NRXN1: variants seen among roughly 807,000 people sequenced by gnomAD.
NRXN1 encodes neurexin-1.
Under a neutral mutation model 150.9 loss-of-function variants are expected in NRXN1, and 39 were observed. That is an observed-to-expected ratio of 0.26 (90% confidence interval 0.20 to 0.34). The LOEUF (loss-of-function observed/expected upper bound fraction) is 0.34. NRXN1 is among the 10% of genes least tolerant of loss of function. The pLI is 1.00. For missense variants in NRXN1, 1,815 were observed against 1,949.9 expected (o/e 0.93, Z 1.30); for synonymous variants, 924 against 757.0 (o/e 1.22, Z -3.62).
At chr2:50,865,615 T>TGTGTGTGTGTGTGTG (rs1559368400) in intron 5 of NRXN1, among the ~76,000 whole-genome samples, 2 of 138,378 alleles carry the variant, frequency 1.4e-5, no homozygotes, top group African/African-American at 5.2e-5. Context: ...TGTGTGTGTG[T>TGTGTGTGTGTGTGTG]AGTAGCACCT....
intron 5 of NRXN1, among the ~76,000 whole-genome samples, chr2:50,685,045 A>G (rs946725099): frequency 6.6e-6 from 1 of 152,218 alleles, no homozygotes; most frequent in East Asian, 1.9e-4. Context: ...TGACTTTCCA[A>G]ACATTATTAT....
At chr2:50,053,686 A>G in intron 20 of NRXN1, 96 bp from the exon 21 acceptor site, 2 of 1,254,784 alleles carry the variant, frequency 1.6e-6, no homozygotes, top group Non-Finnish European at 2.3e-6. Context: ...GTGAATAATG[A>G]GAGCAATAAA....
At chr2:50,934,263 A>C (rs1182215123) in intron 2 of NRXN1, among the ~76,000 whole-genome samples, 1 of 152,150 alleles carries the variant, frequency 6.6e-6, no homozygotes, top group Non-Finnish European at 1.5e-5. Flanking sequence ...TAGAAGAAAA[A>C]CATTTATAAT....
intron 5 of NRXN1, among the ~76,000 whole-genome samples, chr2:50,788,519 T>C (rs930998891): frequency 1.3e-5 from 2 of 152,014 alleles, no homozygotes; most frequent in East Asian, 3.9e-4. Context: ...CAGTTTTGGG[T>C]GATAACTTCT....
intron 17 of NRXN1, among the ~76,000 whole-genome samples, chr2:50,335,719 T>C (rs1286796082): frequency 2.6e-5 from 4 of 152,194 alleles, no homozygotes; most frequent in Non-Finnish European, 5.9e-5. Context: ...TATCCTCTTG[T>C]TAACATCGTG....
chr2:50,894,525 T>A (rs1194170176), intron 5 of NRXN1, among the ~76,000 whole-genome samples: 1 of 151,950 alleles, frequency 6.6e-6, no homozygotes, highest in Non-Finnish European at 1.5e-5. Flanking sequence ...ATTAATATAT[T>A]CTATACACAA....
chr2:50,424,494 C>T (rs967174286), intron 17 of NRXN1, among the ~76,000 whole-genome samples: 1 of 151,996 alleles, frequency 6.6e-6, no homozygotes, highest in African/African-American at 2.4e-5. Context: ...TTGAGTGCAC[C>T]GGCTTAGAGA....
chr2:50,017,217 C>T (rs1322495286), intron 21 of NRXN1, among the ~76,000 whole-genome samples: 1 of 152,094 alleles, frequency 6.6e-6, no homozygotes, highest in African/African-American at 2.4e-5. Flanking sequence ...GAATGGGAAG[C>T]ATTATTATTA....
At chr2:50,582,283 A>G (rs888142571) in intron 8 of NRXN1, among the ~76,000 whole-genome samples, 1 of 152,068 alleles carries the variant, frequency 6.6e-6, no homozygotes, top group South Asian at 2.1e-4. Flanking sequence ...TAATCCCAGC[A>G]CTTTGAGAGG....
chr2:50,359,266 T>C (rs192736197), intron 17 of NRXN1, among the ~76,000 whole-genome samples: 5 of 151,886 alleles, frequency 3.3e-5, no homozygotes, highest in Admixed American at 3.3e-4. Flanking sequence ...GTTTGACGAA[T>C]TGACAGAAGT....
chr2:50,784,272 T>A (rs577510679), intron 5 of NRXN1, among the ~76,000 whole-genome samples: 42 of 152,088 alleles, frequency 2.8e-4, no homozygotes, highest in African/African-American at 1.0e-3. Context: ...TATCAAAGGG[T>A]CAGATGGAGA....
chr2:50,130,019 C>A (rs1705236156), intron 18 of NRXN1, among the ~76,000 whole-genome samples: 1 of 152,144 alleles, frequency 6.6e-6, no homozygotes, highest in Non-Finnish European at 1.5e-5. Context: ...CACATGTTAT[C>A]TCATTTTTTC....
At chr2:50,931,718 T>G (rs565197772) in intron 2 of NRXN1, among the ~76,000 whole-genome samples, 31 of 152,214 alleles carry the variant, frequency 2.0e-4, no homozygotes, top group Admixed American at 6.5e-4. Flanking sequence ...TCACTGTATT[T>G]ACATGTGTCA....
At chr2:49,997,531 T>G (rs1683196847) in intron 21 of NRXN1, among the ~76,000 whole-genome samples, 1 of 152,166 alleles carries the variant, frequency 6.6e-6, no homozygotes, top group Admixed American at 6.5e-5. Flanking sequence ...TTGAAATATC[T>G]CTAGCAGGAC....
chr2:50,344,424 C>T (rs1022501658), intron 17 of NRXN1, among the ~76,000 whole-genome samples: 3 of 151,798 alleles, frequency 2.0e-5, no homozygotes, highest in Non-Finnish European at 4.4e-5. Flanking sequence ...CAGCCTCTTC[C>T]AAAAGAGTAA....
chr2:50,579,502 A>G (rs1416556757), intron 8 of NRXN1, among the ~76,000 whole-genome samples: 1 of 152,174 alleles, frequency 6.6e-6, no homozygotes, highest in African/African-American at 2.4e-5. Context: ...AAGCAAAATT[A>G]GTCAGGTGTG....
chr2:50,042,432 C>A (rs532298532), intron 21 of NRXN1, among the ~76,000 whole-genome samples: 36 of 152,236 alleles, frequency 2.4e-4, no homozygotes, highest in African/African-American at 8.4e-4. Flanking sequence ...TGTTTGCTTC[C>A]TCTTCTGCCA....
chr2:50,607,827 G>C (rs1021350385), intron 8 of NRXN1, among the ~76,000 whole-genome samples: 1 of 151,682 alleles, frequency 6.6e-6, no homozygotes, highest in African/African-American at 2.4e-5. Context: ...CATGGGCTTA[G>C]GTCCAACTAT....
intron 8 of NRXN1, among the ~76,000 whole-genome samples, chr2:50,595,392 G>A (rs530032833): frequency 4.7e-5 from 7 of 148,426 alleles, no homozygotes; most frequent in South Asian, 2.2e-4. Context: ...CAAATCCCTT[G>A]ATTATGATTT....
Sources: gnomAD v4.1 joint callset for allele counts (sites outside exome capture counted in the v4.1 genomes callset) on GRCh38, gnomAD v4.1.1 for gene constraint, MANE v1.5 for transcripts, NCBI Gene and HGNC (gene_info 2026-07-23, HGNC 2026-07-21) for gene names.